Variants in NELL1 observed in about 807,000 individuals in gnomAD.
The protein encoded by NELL1 is protein kinase C-binding protein NELL1.
In NELL1, 76 loss-of-function variants were observed where a neutral mutation model predicts 107.4. The ratio of observed to expected loss-of-function variants is 0.71; its 90% CI spans 0.59 to 0.86. The LOEUF (loss-of-function observed/expected upper bound fraction) is 0.86, where lower values mean the gene tolerates loss of function less well. NELL1 is among the 40% of genes least tolerant of loss of function. NELL1 has a pLI of 0.00. For missense variants in NELL1, 1,024 were observed against 1,005.5 expected, an observed-to-expected ratio of 1.02 and a Z score of -0.25; for synonymous variants, 353 against 341.2, an observed-to-expected ratio of 1.03 and a Z score of -0.38.
chr11:21,437,072 G>T (rs1447647529), intron 15 of NELL1, among the ~76,000 whole-genome samples: 1 of 152,152 alleles, frequency 6.6e-6, no homozygotes, highest in Non-Finnish European at 1.5e-5. Context: ...CTGATGGAAA[G>T]AATGTGTATT....
intron 15 of NELL1, among the ~76,000 whole-genome samples, chr11:21,429,757 C>T (rs542514905): frequency 2.6e-5 from 4 of 152,150 alleles, no homozygotes. Flanking sequence ...AGGAAAGTCC[C>T]TTGTCTATAA....
At chr11:21,388,789 A>C (rs1364351644) in intron 15 of NELL1, among the ~76,000 whole-genome samples, 1 of 151,868 alleles carries the variant, frequency 6.6e-6, no homozygotes, top group Non-Finnish European at 1.5e-5. Context: ...ATACATCCCC[A>C]GAGAAATACA....
intron 3 of NELL1, among the ~76,000 whole-genome samples, chr11:20,785,130 G>C (rs1856928656): frequency 6.6e-6 from 1 of 152,174 alleles, no homozygotes; most frequent in African/African-American, 2.4e-5. Context: ...AAGAAATATA[G>C]AGAAATGCAA....
At chr11:21,562,097 T>C (rs755194748) in intron 17 of NELL1, among the ~76,000 whole-genome samples, 1 of 152,034 alleles carries the variant, frequency 6.6e-6, no homozygotes. Flanking sequence ...CAAAGGACAT[T>C]AGTGGAGTCT....
chr11:21,383,375 G>A (rs1851657421), intron 15 of NELL1, among the ~76,000 whole-genome samples: 2 of 151,820 alleles, frequency 1.3e-5, no homozygotes, highest in African/African-American at 4.8e-5. Flanking sequence ...GAGTCCATGA[G>A]GGGAGATCCT....
intron 2 of NELL1, among the ~76,000 whole-genome samples, chr11:20,746,389 G>T (rs1173332041): frequency 1.3e-5 from 2 of 152,124 alleles, no homozygotes; most frequent in Non-Finnish European, 2.9e-5. Context: ...CACTTACTAG[G>T]TCAGTAATCT....
intron 2 of NELL1, among the ~76,000 whole-genome samples, chr11:20,716,632 G>C (rs377347718): frequency 1.6e-4 from 24 of 152,144 alleles, no homozygotes; most frequent in Non-Finnish European, 2.9e-4. Flanking sequence ...ATAGTAGAGA[G>C]GGCTTATGTC....
chr11:21,038,274 G>A (rs558831650), intron 12 of NELL1, among the ~76,000 whole-genome samples: 1 of 152,224 alleles, frequency 6.6e-6, no homozygotes, highest in African/African-American at 2.4e-5. Flanking sequence ...CAATCAGTGA[G>A]GCAATAGATC....
intron 3 of NELL1, among the ~76,000 whole-genome samples, chr11:20,804,224 A>C (rs1044891822): frequency 1.3e-5 from 2 of 151,792 alleles, no homozygotes; most frequent in Non-Finnish European, 2.9e-5. Context: ...AATTTTTTTC[A>C]ATTTTATTCT....
At chr11:20,980,845 T>A (rs1851735627) in intron 12 of NELL1, among the ~76,000 whole-genome samples, 1 of 152,208 alleles carries the variant, frequency 6.6e-6, no homozygotes, top group African/African-American at 2.4e-5. Flanking sequence ...GGCACTAATG[T>A]GTTTGCCATG....
chr11:21,221,615 T>C (rs1857758961), intron 13 of NELL1, among the ~76,000 whole-genome samples: 1 of 152,196 alleles, frequency 6.6e-6, no homozygotes, highest in Non-Finnish European at 1.5e-5. Flanking sequence ...ATTGATAGGT[T>C]ACCTGTGTCC....
chr11:21,027,947 G>T (rs1299233322), intron 12 of NELL1, among the ~76,000 whole-genome samples: 2 of 152,144 alleles, frequency 1.3e-5, no homozygotes, highest in Non-Finnish European at 2.9e-5. Context: ...CTGCTGCAGT[G>T]TGTGTTTTTT....
At chr11:20,923,006 T>C (rs1354656110) in intron 7 of NELL1, among the ~76,000 whole-genome samples, 1 of 152,024 alleles carries the variant, frequency 6.6e-6, no homozygotes, top group Non-Finnish European at 1.5e-5. Flanking sequence ...TTAGAGAAAA[T>C]GGTCCTTAAG....
chr11:20,705,277 A>G (rs1043585884), intron 2 of NELL1, among the ~76,000 whole-genome samples: 17 of 152,332 alleles, frequency 1.1e-4, no homozygotes, highest in Middle Eastern at 3.4e-3. Flanking sequence ...CTACAAGGCT[A>G]CAGTAACCAA....
intron 12 of NELL1, among the ~76,000 whole-genome samples, chr11:21,103,402 A>G (rs1203986813): frequency 1.3e-5 from 2 of 152,222 alleles, no homozygotes; most frequent in Non-Finnish European, 2.9e-5. Flanking sequence ...TTTGCCTTGT[A>G]GAGAGGCACA....
intron 2 of NELL1, among the ~76,000 whole-genome samples, chr11:20,773,975 T>C (rs1199367711): frequency 1.3e-5 from 2 of 151,110 alleles, no homozygotes; most frequent in Non-Finnish European, 3.0e-5. Flanking sequence ...TTTTCCCCTC[T>C]CTCTTTCTTC....
At chr11:20,766,578 T>C (rs1459029084) in intron 2 of NELL1, among the ~76,000 whole-genome samples, 1 of 152,216 alleles carries the variant, frequency 6.6e-6, no homozygotes, top group Non-Finnish European at 1.5e-5. Flanking sequence ...CAGGGCAAGG[T>C]TGAGAGAGCA....
At chr11:21,529,190 A>G (rs1591009756) in intron 15 of NELL1, among the ~76,000 whole-genome samples, 1 of 152,188 alleles carries the variant, frequency 6.6e-6, no homozygotes, top group East Asian at 1.9e-4. Flanking sequence ...ACTATTTTCA[A>G]TACGTGATTT....
chr11:21,450,703 G>C (rs994461277), intron 15 of NELL1, among the ~76,000 whole-genome samples: 1 of 152,094 alleles, frequency 6.6e-6, no homozygotes, highest in Non-Finnish European at 1.5e-5. Flanking sequence ...GCCGAATCTG[G>C]ACAGACAGGA....
Sources: gnomAD v4.1 joint callset for allele counts (sites outside exome capture counted in the v4.1 genomes callset) on GRCh38, gnomAD v4.1.1 for gene constraint, MANE v1.5 for transcripts, NCBI Gene and HGNC (gene_info 2026-07-23, HGNC 2026-07-21) for gene names.